GLP2R: variants seen among roughly 807,000 people sequenced by gnomAD.
GLP2R encodes the protein glucagon-like peptide 2 receptor.
Under a neutral mutation model 68.2 loss-of-function variants are expected in GLP2R, and 59 were observed. The ratio of observed to expected loss-of-function variants is 0.87; its 90% CI spans 0.70 to 1.07. GLP2R has a LOEUF of 1.07. GLP2R is among the 50% of genes least tolerant of loss of function. The pLI, the probability that GLP2R is intolerant of heterozygous loss-of-function variation, is 0.00. For synonymous variants in GLP2R, 270 were observed against 265.4 expected, an observed-to-expected ratio of 1.02 and a Z score of -0.17; for missense variants, 548 against 677.4, an observed-to-expected ratio of 0.81 and a Z score of 2.12.
At chr17:9,826,290 AT>A in intron 1 of GLP2R, 38 bp downstream of exon 1, 1 of 1,448,736 alleles carries the variant, frequency 6.9e-7, no homozygotes, top group Non-Finnish European at 9.2e-7. Flanking sequence ...TATCAGTTGT[AT>A]TTCCTGATTT....
intron 1 of GLP2R, among the ~76,000 whole-genome samples, chr17:9,829,831 T>A (rs887501680): frequency 6.6e-6 from 1 of 152,200 alleles, no homozygotes; most frequent in African/African-American, 2.4e-5. Context: ...GTGATTTCTA[T>A]TTCATCTACA....
chr17:9,884,750 AT>A (rs1045878548), intron 11 of GLP2R, among the ~76,000 whole-genome samples: 3 of 152,200 alleles, frequency 2.0e-5, no homozygotes, highest in South Asian at 2.1e-4. Flanking sequence ...TCCATAAGCA[AT>A]TTTTTTCCCA....
At chr17:9,886,406 G>A (rs543357413) in intron 11 of GLP2R, among the ~76,000 whole-genome samples, 2 of 150,320 alleles carry the variant, frequency 1.3e-5, no homozygotes, top group East Asian at 1.9e-4. Flanking sequence ...GCAAGCACCC[G>A]AGGAAGTGAA....
At position 9,889,757 on chromosome 17, in the gene GLP2R, A is replaced by G; in HGVS notation, c.*52A>G. 1 of 1,155,934 alleles carries G rather than the reference A, an allele frequency of 8.7e-7. No homozygotes were observed. Among genetic ancestry groups the G allele is most frequent in the South Asian group, 1.6e-5 (1 of 64,498 alleles). 71.6% of individuals were successfully genotyped at this position (1,155,934 alleles called of 1,614,324 possible). A position where few individuals can be genotyped will look rare whatever the true frequency, so the allele number is the denominator to read the frequency against. The stretch of plus-strand genomic sequence containing the variant: ...CTCCCAGGGACTCTTGAGGGGGCCC[A>G]GGAAGAGGAAGCAAAGCAGGACACA... On this transcript the variant is annotated 3_prime_UTR_variant, in exon 13 of 13. Coordinates refer to ENST00000262441, the MANE Select transcript of GLP2R (RefSeq NM_004246.3).
At chr17:9,848,403 C>T (rs2066860719) in intron 4 of GLP2R, among the ~76,000 whole-genome samples, 1 of 152,150 alleles carries the variant, frequency 6.6e-6, no homozygotes, top group Non-Finnish European at 1.5e-5. Context: ...AATGGCTTCA[C>T]AAATTCTGAG....
chr17:9,831,158 C>T (rs2066676155), intron 1 of GLP2R, among the ~76,000 whole-genome samples: 2 of 152,148 alleles, frequency 1.3e-5, no homozygotes, highest in African/African-American at 4.8e-5. Context: ...TTTGGGATAA[C>T]CTTAAATCTA....
At chr17:9,874,055 T>C (rs1366707695) in intron 10 of GLP2R, among the ~76,000 whole-genome samples, 1 of 152,134 alleles carries the variant, frequency 6.6e-6, no homozygotes, top group East Asian at 1.9e-4. Flanking sequence ...TATTATAAGA[T>C]AGACCAAAAA....
intron 11 of GLP2R, among the ~76,000 whole-genome samples, chr17:9,886,203 G>A (rs968052238): frequency 2.6e-5 from 4 of 152,176 alleles, no homozygotes; most frequent in African/African-American, 9.7e-5. Context: ...TGCTTTGGAG[G>A]GTCCTTTACT....
At chr17:9,868,465 C>A (rs1463149158) in intron 9 of GLP2R, among the ~76,000 whole-genome samples, 2 of 152,228 alleles carry the variant, frequency 1.3e-5, no homozygotes, top group East Asian at 3.9e-4. Context: ...TGGGATAGAT[C>A]CTTATATATT....
At chr17:9,878,315 T>C (rs1322364000) in intron 10 of GLP2R, among the ~76,000 whole-genome samples, 1 of 152,182 alleles carries the variant, frequency 6.6e-6, no homozygotes, top group African/African-American at 2.4e-5. Flanking sequence ...CTAGAAATAT[T>C]ATTATTTAAA....
chr17:9,848,607 C>T (rs1043154056), intron 4 of GLP2R, among the ~76,000 whole-genome samples: 2 of 152,060 alleles, frequency 1.3e-5, no homozygotes, highest in Admixed American at 6.6e-5. Flanking sequence ...TTTCTCTCTT[C>T]GGAAAAGTGA....
At chr17:9,846,056 T>C (rs2066835559) in intron 4 of GLP2R, among the ~76,000 whole-genome samples, 1 of 152,204 alleles carries the variant, frequency 6.6e-6, no homozygotes, top group Non-Finnish European at 1.5e-5. Context: ...TTCTAGTTCA[T>C]CGAATACATC....
Position 9,859,637 on chromosome 17 carries a change from AT to A in GLP2R, c.766-304del, listed in dbSNP as rs1411548317. 5.0e-4 allele frequency among the ~76,000 whole-genome samples: 21 copies of A among 41,966 alleles called. 1 individual carries two copies. Among genetic ancestry groups the A allele is most frequent in the African/African-American group, 1.5e-3 (20 of 13,462 alleles). The allele number at this position is 41,966 out of a possible 152,430, so 27.5% of individuals were successfully genotyped here. ...GAAACCCTGTGTCTACTAAAAAAAA[AT>A]ATATATATATATATACATACATATA... is the stretch of plus-strand genomic sequence containing the variant. On this transcript the variant is annotated intron_variant, in intron 6 of 12. Coordinates refer to ENST00000262441, the MANE Select transcript of GLP2R (RefSeq NM_004246.3).
At chr17:9,858,446 G>A (rs1168204824) in intron 6 of GLP2R, among the ~76,000 whole-genome samples, 1 of 152,186 alleles carries the variant, frequency 6.6e-6, no homozygotes, top group Non-Finnish European at 1.5e-5. Flanking sequence ...AGAAAGATTG[G>A]CTTGTAATGC....
At chr17:9,863,589 T>G (rs1428507548) in intron 9 of GLP2R, among the ~76,000 whole-genome samples, 2 of 152,194 alleles carry the variant, frequency 1.3e-5, no homozygotes, top group Non-Finnish European at 2.9e-5. Flanking sequence ...CCTTAGTACC[T>G]TGGTTCAGAC....
chr17:9,842,471 C>T, intron 3 of GLP2R, 24 bp from the exon 4 acceptor site: 1 of 1,614,000 alleles, frequency 6.2e-7, no homozygotes, highest in Non-Finnish European at 8.5e-7. Flanking sequence ...CTGACCTTTC[C>T]TCCAGAGCTT....
intron 9 of GLP2R, among the ~76,000 whole-genome samples, chr17:9,863,796 A>C (rs1380857979): frequency 6.6e-6 from 1 of 152,020 alleles, no homozygotes; most frequent in South Asian, 2.1e-4. Flanking sequence ...CCTAGCCAAC[A>C]CCATTTCAAG....
intron 4 of GLP2R, among the ~76,000 whole-genome samples, chr17:9,850,663 G>T (rs1310545188): frequency 6.7e-6 from 1 of 149,672 alleles, no homozygotes; most frequent in Admixed American, 6.7e-5. Context: ...TGTGCTAAGT[G>T]CTCCCTTACC....
At chr17:9,868,888 T>G (rs1207811819) in intron 9 of GLP2R, among the ~76,000 whole-genome samples, 2 of 152,172 alleles carry the variant, frequency 1.3e-5, no homozygotes, top group African/African-American at 4.8e-5. Context: ...ATGCCTATGT[T>G]CAATAAATCA....
Sources: allele counts gnomAD v4.1 joint callset (sites outside exome capture counted in the v4.1 genomes callset), GRCh38; gene constraint gnomAD v4.1.1; transcripts MANE v1.5; gene names NCBI Gene and HGNC (gene_info 2026-07-23, HGNC 2026-07-21).